The following LYZL4 variants were observed in gnomAD, a reference collection of about 807,000 sequenced individuals.
LYZL4 encodes the protein lysozyme like 4, also known as lysozyme-like protein 4.
LYZL4 carries 13 observed loss-of-function variants against 17.6 expected under a neutral mutation model. That is an observed-to-expected ratio of 0.74 (90% CI 0.48 to 1.18). LYZL4 has a LOEUF of 1.18. LYZL4 is among the 50% of genes most tolerant of loss of function. The probability of loss-of-function intolerance (pLI) is 0.00; values close to 1 mark genes in which losing one functional copy is unlikely to be tolerated. For missense variants in LYZL4, 174 were observed against 188.2 expected (o/e 0.92, Z 0.44); for synonymous variants, 64 against 67.7 (o/e 0.95, Z 0.27).
the LYZL4 span, among the ~76,000 whole-genome samples, chr3:42,361,353 T>A: frequency 6.6e-6 from 1 of 152,106 alleles, no homozygotes; most frequent in Non-Finnish European, 1.5e-5. Flanking sequence ...GAAGATACAG[T>A]GGTGTCTTCT....
the LYZL4 span, among the ~76,000 whole-genome samples, chr3:42,375,285 C>T: frequency 3.9e-5 from 6 of 152,152 alleles, no homozygotes; most frequent in East Asian, 1.9e-4. Flanking sequence ...GTAGAATAGT[C>T]GATCTAACCG....
the LYZL4 span, among the ~76,000 whole-genome samples, chr3:42,382,630 T>G: frequency 6.6e-6 from 1 of 151,960 alleles, no homozygotes; most frequent in Admixed American, 6.6e-5. Flanking sequence ...GAAATGGAGA[T>G]GACCAACTTT....
At chr3:42,367,665 C>T in the LYZL4 span, among the ~76,000 whole-genome samples, 4 of 152,246 alleles carry the variant, frequency 2.6e-5, no homozygotes, top group East Asian at 7.7e-4. Context: ...GAATAAGATG[C>T]CCAAAGGAAG....
intron 1 of LYZL4, among the ~76,000 whole-genome samples, chr3:42,409,776 C>A (rs1364612500): frequency 6.6e-6 from 1 of 152,226 alleles, no homozygotes; most frequent in African/African-American, 2.4e-5. Context: ...CATCACTAAT[C>A]TCCAGTGGAT....
At chr3:42,365,760 G>A in the LYZL4 span, among the ~76,000 whole-genome samples, 6 of 152,092 alleles carry the variant, frequency 3.9e-5, no homozygotes. Context: ...ACCACAAAGG[G>A]TATGCTCTAG....
At chr3:42,363,306 A>T in the LYZL4 span, among the ~76,000 whole-genome samples, 1 of 152,198 alleles carries the variant, frequency 6.6e-6, no homozygotes, top group Non-Finnish European at 1.5e-5. Flanking sequence ...ATGTTGGGTG[A>T]CATTAGGGAT....
At chr3:42,406,552 C>A (rs951539748) in intron 3 of LYZL4, among the ~76,000 whole-genome samples, 1 of 152,084 alleles carries the variant, frequency 6.6e-6, no homozygotes, top group Middle Eastern at 3.2e-3. Context: ...TGCTCCCGCC[C>A]TTCAGGCTCT....
In LYZL4 at chr3:42,407,197, C is replaced by A. The variant is rs1698773457; in HGVS notation, c.55G>T (p.Ala19Ser). The A allele has an allele frequency of 5.6e-6, 9 of 1,614,188 alleles. No homozygotes were observed. The highest frequency in any genetic ancestry group is 7.6e-6 in the Non-Finnish European group (9 of 1,180,040). Residue 19 changes from alanine to serine, a missense_variant, in exon 2 of 5, where the codon GCT becomes TCT. Physicochemically the swap from Ala to Ser is moderately conservative, Grantham distance 99. Coordinates refer to ENST00000287748, the MANE Select transcript of LYZL4 (RefSeq NM_144634.4). ...LLGYLVVPSG[A>S]YILGRCTVAK... ...ACTGTGCAACGCCCCAAGATGTAAG[C>A]ACCACTTGGAACCACCAGGTAGCCA... is the stretch of plus-strand genomic sequence containing the variant.
the LYZL4 span, among the ~76,000 whole-genome samples, chr3:42,374,318 T>G: frequency 3.9e-5 from 6 of 152,328 alleles, no homozygotes; most frequent in Admixed American, 3.9e-4. Flanking sequence ...CCAAAACCTG[T>G]ACTTTAAATT....
the LYZL4 span, among the ~76,000 whole-genome samples, chr3:42,379,875 T>G: frequency 6.6e-6 from 1 of 152,084 alleles, no homozygotes; most frequent in Non-Finnish European, 1.5e-5. Context: ...CTCATGGGGG[T>G]AGGACCCTTA....
At chr3:42,395,612 G>A (rs959796581), downstream of LYZL4, among the ~76,000 whole-genome samples, 1 of 152,118 alleles carries the variant, frequency 6.6e-6, no homozygotes, top group Non-Finnish European at 1.5e-5. Context: ...CCAGTGAGGG[G>A]ATATTCTTAA....
intron 1 of LYZL4, 80 bp from the exon 2 acceptor site, chr3:42,407,423 C>T: frequency 1.3e-6 from 1 of 781,422 alleles, no homozygotes; most frequent in Non-Finnish European, 2.0e-6. Flanking sequence ...ACACTTCTTC[C>T]CATCCTAATT....
Position 42,404,506 on chromosome 3 carries a change from G to T in LYZL4, c.293-382C>A, listed in dbSNP as rs147566027. Among the ~76,000 whole-genome samples, 96 of 152,210 alleles carry T rather than the reference G, an allele frequency of 6.3e-4. No individual in the cohort carries two copies. In the East Asian group the frequency reaches 0.017, roughly 28 times the overall value. Reference sequence around the variant, plus strand: ...GCCAACTCAGTCTGGGACTTTAAAAGAATTTTTGTTTTCTTTGTTTGCATT... The same window carrying T: ...GCCAACTCAGTCTGGGACTTTAAAATAATTTTTGTTTTCTTTGTTTGCATT... On this transcript the variant is annotated intron_variant, in intron 3 of 4. Coordinates refer to ENST00000287748, the MANE Select transcript of LYZL4 (RefSeq NM_144634.4).
At chr3:42,384,912 G>A in the LYZL4 span, among the ~76,000 whole-genome samples, 1 of 152,126 alleles carries the variant, frequency 6.6e-6, no homozygotes, top group African/African-American at 2.4e-5. Flanking sequence ...GAGAATTGGA[G>A]GTAAATACCC....
At chr3:42,371,251 G>T in the LYZL4 span, among the ~76,000 whole-genome samples, 1 of 152,172 alleles carries the variant, frequency 6.6e-6, no homozygotes, top group South Asian at 2.1e-4. Flanking sequence ...AATTTATGGA[G>T]ACCAGCACTC....
At position 42,400,167 on chromosome 3, in the gene LYZL4, T is replaced by C. The variant is rs1464880272; in HGVS notation, c.372-2833A>G. Among the ~76,000 whole-genome samples the C allele has an allele frequency of 2.6e-5, 4 of 152,276 alleles. No individual in the cohort carries two copies. In the South Asian group the frequency reaches 6.2e-4, roughly 24 times the overall value. ...TTATAGTAAGGAACACCACCTACGC[T>C]TCCACTAGTGAAATTTGTCCACCTG... On this transcript the variant is annotated intron_variant, in intron 4 of 4. Transcript: ENST00000287748.
the LYZL4 span, among the ~76,000 whole-genome samples, chr3:42,385,620 A>G: frequency 6.6e-6 from 1 of 152,230 alleles, no homozygotes; most frequent in African/African-American, 2.4e-5. Flanking sequence ...CCATTCACTC[A>G]GCACCATGGG....
chr3:42,375,909 C>T, the LYZL4 span, among the ~76,000 whole-genome samples: 1 of 152,136 alleles, frequency 6.6e-6, no homozygotes, highest in Admixed American at 6.5e-5. Flanking sequence ...CTAGTACTTT[C>T]CTTACAGGAT....
At chr3:42,378,482 C>A in the LYZL4 span, among the ~76,000 whole-genome samples, 3 of 152,128 alleles carry the variant, frequency 2.0e-5, no homozygotes, top group Non-Finnish European at 4.4e-5. Context: ...ATCTCTAATC[C>A]CTGAAGTACT....
Sources: allele counts gnomAD v4.1 joint callset (sites outside exome capture counted in the v4.1 genomes callset), GRCh38; gene constraint gnomAD v4.1.1; transcripts MANE v1.5; gene names NCBI Gene and HGNC (gene_info 2026-07-23, HGNC 2026-07-21).